Variants in ZNF385A observed in about 807,000 individuals in gnomAD.
The protein encoded by ZNF385A is zinc finger protein 385A, also known as hematopoietic zinc finger protein.
In ZNF385A, 14 loss-of-function variants were observed where a neutral mutation model predicts 32.1. The observed-to-expected ratio is 0.44, with a 90% CI of 0.29 to 0.68. ZNF385A has a LOEUF of 0.68. Among genes scored for constraint, ZNF385A ranks in the 30% least tolerant of loss-of-function variants. The pLI, the probability that ZNF385A is intolerant of heterozygous loss-of-function variation, is 0.14. For missense variants in ZNF385A, 406 were observed against 478.4 expected (o/e 0.85, Z 1.41); for synonymous variants, 197 against 202.7 (o/e 0.97, Z 0.24).
Position 54,374,022 on chromosome 12 carries a change from A to G in ZNF385A, c.312T>C (p.Ala104=). 6.3e-7 allele frequency: 1 copy of G among 1,594,150 alleles called. No homozygotes were observed. Among genetic ancestry groups the G allele is most frequent in the Non-Finnish European group, 8.6e-7 (1 of 1,167,506 alleles). ...CATTTGTTGGGGTGCTGCCTGGGGG[A>G]GCTGGGTCTCCAGGTTCTCGGACGC... ...EPGVREPGDP[A]PPGSTPTNGD... Residue 104 remains alanine, a synonymous_variant, in exon 3 of 7, where the codon GCT becomes GCC. Transcript: ENST00000394313.
At chr12:54,384,832 C>T, upstream of ZNF385A, 2 of 1,198,422 alleles carry the variant, frequency 1.7e-6, no homozygotes, top group South Asian at 4.0e-5. Flanking sequence ...TCCTTAGGCA[C>T]ATTACAGACC....
chr12:54,370,640 C>G lies in ZNF385A; in HGVS notation c.856G>C (p.Ala286Pro). The change falls in exon 6 of 7, where the codon GCC becomes CCC. Residue 286 changes from alanine to proline, a missense_variant. By Grantham distance (27) the Ala-to-Pro change is conservative. Transcript: ENST00000394313. This position sits in a 1 kb window ranked among gnomAD's most constrained non-coding sequence, Gnocchi z 5.5. ...CCAGGCCTCACCGCCAGCTCCCCGG[C>G]GCCCCTAGACTTCTTGTGACGGCTC... The part of the protein sequence containing the change: ...LLSRHKKSRG[A>P]GELAGTLTFS... The G allele has an allele frequency of 1.2e-6, 2 of 1,602,490 alleles. No homozygotes were observed. Among genetic ancestry groups the G allele is most frequent in the Non-Finnish European group, 1.7e-6 (2 of 1,175,110 alleles).
rs534259637 is a variant in ZNF385A, at chr12:54,373,794, A to G, written c.361+179T>C. Among the ~76,000 whole-genome samples the G allele has an allele frequency of 1.7e-4, 26 of 152,038 alleles. 1 individual carries two copies. In the South Asian group the frequency reaches 5.4e-3, roughly 32 times the overall value. On this transcript the variant is annotated intron_variant, in intron 3 of 6. Transcript: ENST00000394313. ...TGTTGAGAGGAGCTGTGGTGGGGGT[A>G]AGGGTGACAGGATGGAAATTTTACA...
At chr12:54,374,587 C>T (rs1010485308) in intron 2 of ZNF385A, among the ~76,000 whole-genome samples, 2 of 152,174 alleles carry the variant, frequency 1.3e-5, no homozygotes, top group African/African-American at 4.8e-5. Flanking sequence ...TCCCAGGATC[C>T]CTGATGCCTG....
chr12:54,388,693 G>C (rs1213723146), upstream of ZNF385A, among the ~76,000 whole-genome samples: 1 of 152,138 alleles, frequency 6.6e-6, no homozygotes, highest in East Asian at 1.9e-4. Context: ...AATTAGACTT[G>C]GGCCACAGGA....
At chr12:54,383,365 T>C (rs1955297427) in intron 1 of ZNF385A, among the ~76,000 whole-genome samples, 1 of 151,478 alleles carries the variant, frequency 6.6e-6, no homozygotes, top group African/African-American at 2.4e-5. Flanking sequence ...CAAACACCAG[T>C]TGGTCACCAT....
chr12:54,384,387 G>T, intron 1 of ZNF385A, 41 bp downstream of exon 1: 1 of 1,544,618 alleles, frequency 6.5e-7, no homozygotes, highest in East Asian at 2.4e-5. Context: ...AGAAAGGTCG[G>T]GTCACAAGAG....
intron 3 of ZNF385A, among the ~76,000 whole-genome samples, chr12:54,372,607 G>A (rs7961432): frequency 0.11 from 17,364 of 152,212 alleles, 1,414 homozygotes; most frequent in East Asian, 0.4. Flanking sequence ...GGAATTAAAT[G>A]AGGTAATATG....
intron 3 of ZNF385A, 97 bp from the exon 4 acceptor site, chr12:54,371,812 GACCAGGAGTCCCC>G: frequency 6.5e-7 from 1 of 1,546,944 alleles, no homozygotes; most frequent in South Asian, 1.2e-5. Context: ...GAGGGCAAGG[GACCAGGAGTCCCC>G]ACCCTGTTAC....
intron 1 of ZNF385A, among the ~76,000 whole-genome samples, chr12:54,377,377 T>TA (rs1954903323): frequency 6.6e-6 from 1 of 152,200 alleles, no homozygotes; most frequent in Non-Finnish European, 1.5e-5. Context: ...CACTTTTTTT[T>TA]ACCTCAGCTT....
In ZNF385A at chr12:54,376,031, G is replaced by T. The variant is rs565839223; in HGVS notation, c.88-77C>A. On this transcript the variant is annotated intron_variant, in intron 1 of 6. Transcript: ENST00000394313. ...GCATTCCCCCAACACAGATATCTGTGTTGAACCAAGGTCCCCAGACCCCTT... is the reference window on the plus strand; with the variant it reads ...GCATTCCCCCAACACAGATATCTGTTTTGAACCAAGGTCCCCAGACCCCTT... The T allele has an allele frequency of 6.3e-5, 77 of 1,220,264 alleles. 1 individual carries two copies. In the African/African-American group the frequency reaches 9.4e-4, roughly 15 times the overall value. 75.6% of individuals were successfully genotyped at this position (1,220,264 alleles called of 1,614,324 possible).
chr12:54,391,119 G>C, intron 1 of ZNF385A: 2 of 1,116,170 alleles, frequency 1.8e-6, no homozygotes, highest in South Asian at 3.3e-5. Flanking sequence ...GGGGGAACCG[G>C]TCGCTGACGG....
intron 1 of ZNF385A, among the ~76,000 whole-genome samples, chr12:54,380,437 T>C (rs1476845111): frequency 1.3e-5 from 2 of 152,254 alleles, no homozygotes; most frequent in Admixed American, 1.3e-4. Flanking sequence ...AATTTAAACC[T>C]GGGCAGTCTG....
chr12:54,376,720 G>A (rs1471690796), intron 1 of ZNF385A, among the ~76,000 whole-genome samples: 3 of 152,192 alleles, frequency 2.0e-5, no homozygotes, highest in South Asian at 4.1e-4. Context: ...TCCCCACCCT[G>A]GGTCAGCAGA....
At chr12:54,371,331 G>A in intron 4 of ZNF385A, 142 bp downstream of exon 4, 4 of 1,200,224 alleles carry the variant, frequency 3.3e-6, no homozygotes, top group Non-Finnish European at 4.7e-6. Context: ...AGGAACAGGG[G>A]AGATGGCTGG....
rs1954404262 is a variant in ZNF385A at position 54,369,472 on chromosome 12, CTT to C, written c.*782_*783del. 1 of 151,668 alleles carries C rather than the reference CTT, an allele frequency of 6.6e-6. No homozygotes were observed. The highest frequency in any genetic ancestry group is 2.4e-5 in the African/African-American group (1 of 41,134). The allele number at this position is 151,668 out of a possible 1,614,324, so 9.4% of individuals were successfully genotyped here. A position where few individuals can be genotyped will look rare whatever the true frequency, so the allele number is the denominator to read the frequency against. ...AAGGGCGGGGGCGAGGCTTCTATTG[CTT>C]TTTGCTCACAGTTTTGCGGAAGGCG... On this transcript the variant is annotated 3_prime_UTR_variant, in exon 7 of 7. Coordinates refer to ENST00000394313, the MANE Select transcript of ZNF385A (RefSeq NM_015481.3).
chr12:54,384,214 G>A (rs1185856795), intron 1 of ZNF385A, among the ~76,000 whole-genome samples: 1 of 152,172 alleles, frequency 6.6e-6, no homozygotes, highest in Non-Finnish European at 1.5e-5. Flanking sequence ...CACAGTGTCT[G>A]GCCCGTAGCA....
intron 3 of ZNF385A, among the ~76,000 whole-genome samples, chr12:54,373,518 A>G (rs1368733980): frequency 6.6e-6 from 1 of 151,270 alleles, no homozygotes; most frequent in African/African-American, 2.4e-5. Context: ...GGGAGGTCAA[A>G]AGGTCTACTA....
At position 54,375,696 on chromosome 12, in the gene ZNF385A, T is replaced by C. The variant is rs546394991; in HGVS notation, c.198+148A>G. 1.1e-4 allele frequency: 74 copies of C among 683,926 alleles called. No individual in the cohort carries two copies. The South Asian group carries it at 1.2e-3, about 11-fold the overall frequency. The allele number at this position is 683,926 out of a possible 1,614,324, so 42.4% of individuals were successfully genotyped here. ...CCACAAGACCCTGCCCCTCCTGCGG[T>C]ATCCCCATTCCCTGCTCTTTGCCTA... On this transcript the variant is annotated intron_variant, in intron 2 of 6. Coordinates refer to ENST00000394313, the MANE Select transcript of ZNF385A (RefSeq NM_015481.3).
Sources: gnomAD v4.1 joint callset for allele counts (sites outside exome capture counted in the v4.1 genomes callset) on GRCh38, gnomAD v4.1.1 for gene constraint, Gnocchi (gnomAD v3.1) non-coding constraint, MANE v1.5 for transcripts, NCBI Gene and HGNC (gene_info 2026-07-23, HGNC 2026-07-21) for gene names.